Variants in PIK3CD observed in about 807,000 individuals in gnomAD.
PIK3CD encodes the protein phosphatidylinositol-4,5-bisphosphate 3-kinase catalytic subunit delta.
Under a neutral mutation model 122.9 loss-of-function variants are expected in PIK3CD, and 20 were observed. That is an observed-to-expected ratio of 0.16 (90% CI 0.11 to 0.24). PIK3CD has a LOEUF of 0.24. Among genes scored for constraint, PIK3CD ranks in the 10% least tolerant of loss-of-function variants. PIK3CD has a pLI of 1.00. For missense variants in PIK3CD, 787 were observed against 1,406.3 expected (o/e 0.56, Z 7.04); for synonymous variants, 596 against 593.4 (o/e 1.00, Z -0.06).
chr1:9,671,384 C>T (rs1285713557), intron 1 of PIK3CD, among the ~76,000 whole-genome samples: 1 of 152,162 alleles, frequency 6.6e-6, no homozygotes, highest in Non-Finnish European at 1.5e-5. Context: ...TAGGTGTGAG[C>T]CACCAGGCCT....
In PIK3CD at chr1:9,716,526, G is replaced by A. The variant is rs1269457915; in HGVS notation, c.687G>A (p.Arg229=). 1 of 1,609,306 alleles carries A rather than the reference G, an allele frequency of 6.2e-7. No individual in the cohort carries two copies. The highest frequency in any genetic ancestry group is 8.5e-7 in the Non-Finnish European group (1 of 1,179,382). The part of the protein sequence containing the change: ...CALRKKATVF[R]QPLVEQPEDY... ...TGCGGAAGAAGGCCACAGTGTTCCG[G>A]CAGCCGCTGGTGGAGCAGCCGGAAG... The change falls in exon 6 of 24, where the codon CGG becomes CGA. Residue 229 remains arginine, a synonymous_variant. Transcript: ENST00000377346.
intron 1 of PIK3CD, among the ~76,000 whole-genome samples, chr1:9,660,422 A>G (rs1644977448): frequency 6.6e-6 from 1 of 152,008 alleles, no homozygotes; most frequent in African/African-American, 2.4e-5. Context: ...GTGCTTTTGT[A>G]GTTTGCTTTT....
intron 1 of PIK3CD, among the ~76,000 whole-genome samples, chr1:9,665,530 G>A (rs373658009): frequency 1.3e-5 from 2 of 151,558 alleles, no homozygotes; most frequent in Non-Finnish European, 2.9e-5. Flanking sequence ...AGTACATGCC[G>A]GCACTGCAGC....
At chr1:9,669,741 C>T (rs889421103) in intron 1 of PIK3CD, among the ~76,000 whole-genome samples, 2 of 152,066 alleles carry the variant, frequency 1.3e-5, no homozygotes, top group African/African-American at 4.8e-5. Flanking sequence ...TTCCTCTTTA[C>T]TGCTGACCTG....
chr1:9,716,686 G>C, intron 6 of PIK3CD, 67 bp downstream of exon 6: 1 of 1,486,422 alleles, frequency 6.7e-7, no homozygotes, highest in South Asian at 1.2e-5. Flanking sequence ...GGTGGGAGTC[G>C]GGGAGCTGAC....
chr1:9,675,385 C>CAAA (rs34447888), intron 1 of PIK3CD, among the ~76,000 whole-genome samples: 13 of 59,422 alleles, frequency 2.2e-4, no homozygotes, highest in East Asian at 5.0e-4. Flanking sequence ...GACTCCGTCT[C>CAAA]AAAAAAAAAA....
Position 9,721,967 on chromosome 1 carries a change from C to T in PIK3CD, c.2056-8C>T, listed in dbSNP as rs1020100328. 1.9e-6 allele frequency: 3 copies of T among 1,613,486 alleles called. No individual in the cohort carries two copies. The highest frequency in any genetic ancestry group is 2.2e-5 in the South Asian group (2 of 91,090). ...CTGCCCACCGCCGCCCTCCCATCTG[C>T]CCACCAGGGGGAAGCACTGAGCAAA... On this transcript the variant is annotated splice_polypyrimidine_tract_variant and splice_region_variant and intron_variant, in intron 16 of 23. Coordinates refer to ENST00000377346, the MANE Select transcript of PIK3CD (RefSeq NM_005026.5).
intron 2 of PIK3CD, among the ~76,000 whole-genome samples, chr1:9,705,374 G>A (rs921479630): frequency 6.7e-6 from 1 of 149,528 alleles, no homozygotes; most frequent in African/African-American, 2.5e-5. Context: ...GCATACGCCT[G>A]TAGTCCCAGC....
At chr1:9,653,825 C>A in intron 1 of PIK3CD, 1 of 1,367,584 alleles carries the variant, frequency 7.3e-7, no homozygotes, top group South Asian at 1.1e-5. Context: ...GGTGAGAGGC[C>A]TGCTGGCGGC....
chr1:9,630,840 AGCTACAAGTCCCGGCTCCTGGCCCAG>A, the PIK3CD span, among the ~76,000 whole-genome samples: 1 of 151,962 alleles, frequency 6.6e-6, no homozygotes, highest in Admixed American at 6.6e-5. Flanking sequence ...GATGTTCTGG[AGCTACAAGTCCCGGCTCCTGGCCCAG>A]CAGGGAGGGC....
chr1:9,682,455 C>T (rs936451171), intron 1 of PIK3CD, among the ~76,000 whole-genome samples: 2 of 152,134 alleles, frequency 1.3e-5, no homozygotes, highest in African/African-American at 4.8e-5. Context: ...CCAGGCTGGT[C>T]TCGAACTTCT....
chr1:9,630,739 T>TGTGTGTGTGTGTGC, the PIK3CD span, among the ~76,000 whole-genome samples: 2 of 150,964 alleles, frequency 1.3e-5, no homozygotes, highest in East Asian at 2.0e-4. Context: ...TGTGTGTGTG[T>TGTGTGTGTGTGTGC]GCAGAAGAGG....
intron 3 of PIK3CD, among the ~76,000 whole-genome samples, chr1:9,711,936 G>A (rs1432369708): frequency 3.3e-5 from 5 of 151,000 alleles, no homozygotes; most frequent in East Asian, 3.9e-4. Flanking sequence ...CCGCTCTGTC[G>A]CCCAGGCTGG....
chr1:9,695,618 C>T (rs1467833865), intron 2 of PIK3CD, among the ~76,000 whole-genome samples: 5 of 152,036 alleles, frequency 3.3e-5, no homozygotes, highest in Non-Finnish European at 5.9e-5. Flanking sequence ...CCGAGGCGGG[C>T]AGATCACTAG....
intron 23 of PIK3CD, among the ~76,000 whole-genome samples, chr1:9,725,253 C>A (rs1649336140): frequency 6.6e-6 from 1 of 152,196 alleles, no homozygotes; most frequent in African/African-American, 2.4e-5. Flanking sequence ...CTCCCTCTGC[C>A]TTCTAAAAGA....
In PIK3CD at chr1:9,692,572, T is replaced by C. The variant is rs112104247; in HGVS notation, c.-33+1001T>C. 3.1e-3 allele frequency among the ~76,000 whole-genome samples: 447 copies of C among 144,914 alleles called. 2 individuals carry two copies. The highest frequency in any genetic ancestry group is 5.1e-3 in the Non-Finnish European group (331 of 65,036). ...GGTGAAACCCTGTCTCTACTAAAAA[T>C]ACAAAAAATTAGCTGGGCGTAGTGG... On this transcript the variant is annotated intron_variant, in intron 2 of 23. Coordinates refer to ENST00000377346, the MANE Select transcript of PIK3CD (RefSeq NM_005026.5).
chr1:9,713,418 T>C (rs1244192030), intron 3 of PIK3CD, among the ~76,000 whole-genome samples: 1 of 152,142 alleles, frequency 6.6e-6, no homozygotes, highest in African/African-American at 2.4e-5. Context: ...GGAAAAAAAT[T>C]ACCTCTGATC....
At chr1:9,699,924 G>A (rs984738560) in intron 2 of PIK3CD, among the ~76,000 whole-genome samples, 6 of 152,126 alleles carry the variant, frequency 3.9e-5, no homozygotes, top group Admixed American at 1.3e-4. Flanking sequence ...CCCACTGCCC[G>A]GAACCCTATT....
At chr1:9,636,980 C>T in the PIK3CD span, among the ~76,000 whole-genome samples, 1 of 152,038 alleles carries the variant, frequency 6.6e-6, no homozygotes, top group Non-Finnish European at 1.5e-5. Context: ...TCACTGCAAG[C>T]TCCACCTCCC....
Sources: allele counts gnomAD v4.1 joint callset (sites outside exome capture counted in the v4.1 genomes callset), GRCh38; gene constraint gnomAD v4.1.1; transcripts MANE v1.5; gene names NCBI Gene and HGNC (gene_info 2026-07-23, HGNC 2026-07-21).